The following RANBP1 variants were observed in gnomAD, a reference collection of about 807,000 sequenced individuals.
RANBP1 encodes ran-specific GTPase-activating protein.
In RANBP1, 16 loss-of-function variants were observed where a neutral mutation model predicts 31.4. The ratio of observed to expected loss-of-function variants is 0.51; its 90% confidence interval spans 0.34 to 0.77. RANBP1 has a LOEUF of 0.77. RANBP1 is among the 30% of genes least tolerant of loss of function. The pLI, the probability that RANBP1 is intolerant of heterozygous loss-of-function variation, is 0.01. For synonymous variants in RANBP1, 129 were observed against 140.5 expected, an observed-to-expected ratio of 0.92 and a Z score of 0.58; for missense variants, 265 against 362.0, an observed-to-expected ratio of 0.73 and a Z score of 2.17.
chr22:20,116,674 G>C, intron 1 of RANBP1: 2 of 1,497,282 alleles, frequency 1.3e-6, no homozygotes, highest in South Asian at 2.7e-5. Context: ...GGCCCCCCAA[G>C]CTTCCTTATG....
chr22:20,126,734 A>G, intron 5 of RANBP1: 2 of 1,453,952 alleles, frequency 1.4e-6, no homozygotes, highest in Non-Finnish European at 9.3e-7. Context: ...CAGCCTGACC[A>G]TGGTCTAGGC....
chr22:20,118,950 G>T (rs897915054), intron 1 of RANBP1, 63 bp from the exon 2 acceptor site: 7 of 1,562,090 alleles, frequency 4.5e-6, no homozygotes, highest in South Asian at 2.3e-5. Context: ...GCAGGCACTG[G>T]TTGGGCTCTG....
chr22:20,119,135 G>C lies in RANBP1; in HGVS notation c.369G>C (p.Glu123Asp), dbSNP rs370443280. Residue 123 changes from glutamate to aspartate, a missense_variant, in exon 2 of 6, where the codon GAG becomes GAC. Around this residue, in one of 3 missense-constraint regions of RANBP1, gnomAD observed 90 missense variants for 190.5 expected, o/e 0.47. Coordinates refer to ENST00000430524, the MANE Select transcript of RANBP1 (RefSeq NM_001278639.2). ...TTAAAACACTGGAAGAAGATGAAGAGGAACTTTTTAAAATGTAAGTAGGCT... is the reference window on the plus strand; with the variant it reads ...TTAAAACACTGGAAGAAGATGAAGACGAACTTTTTAAAATGTAAGTAGGCT... ...QEIKTLEEDE[E>D]ELFKMRAKLF... The C allele has an allele frequency of 6.2e-7, 1 of 1,612,830 alleles. No homozygotes were observed. Among genetic ancestry groups the C allele is most frequent in the African/African-American group, 1.3e-5 (1 of 74,900 alleles).
chr22:20,121,866 G>A (rs2050178194), intron 2 of RANBP1, among the ~76,000 whole-genome samples: 1 of 138,646 alleles, frequency 7.2e-6, no homozygotes, highest in Admixed American at 7.3e-5. Flanking sequence ...AGCCTCCTGA[G>A]TAGCTGGGAT....
At chr22:20,118,655 A>G (rs2050105733) in intron 1 of RANBP1, among the ~76,000 whole-genome samples, 1 of 152,234 alleles carries the variant, frequency 6.6e-6, no homozygotes. Flanking sequence ...CATTTTATGG[A>G]TGAGGAAGAA....
chr22:20,123,439 GTGTGTGGTGTCT>G (rs2050231123), intron 3 of RANBP1, among the ~76,000 whole-genome samples: 2 of 99,356 alleles, frequency 2.0e-5, no homozygotes, highest in African/African-American at 7.8e-5. Context: ...GTTGGGGGGG[GTGTGTGGTGTCT>G]GGGGGGGTTT....
chr22:20,116,994 G>A, intron 1 of RANBP1: 1 of 1,520,258 alleles, frequency 6.6e-7, no homozygotes, highest in Non-Finnish European at 8.9e-7. Context: ...GAAGTGGCCT[G>A]TCACAAGGGA....
At chr22:20,117,165 C>T (rs1051599015) in intron 1 of RANBP1, 25 of 548,696 alleles carry the variant, frequency 4.6e-5, no homozygotes, top group Non-Finnish European at 7.6e-5. Flanking sequence ...CCGCGCCGGC[C>T]GCTCGCTTCG....
At chr22:20,121,565 A>T (rs1640407) in intron 2 of RANBP1, among the ~76,000 whole-genome samples, 7,172 of 140,954 alleles carry the variant, frequency 0.051, 242 homozygotes, top group East Asian at 0.099. Context: ...GTTTTTTTTT[A>T]AAATAGGGTC....
rs368678998 is a variant in RANBP1, at chr22:20,127,018, A to C, written c.803A>C (p.Glu268Ala). 16 of 1,613,420 alleles carry C rather than the reference A, an allele frequency of 9.9e-6. No individual in the cohort carries two copies. The highest frequency in any genetic ancestry group is 1.2e-5 in the Non-Finnish European group (14 of 1,179,792). ...AAGCTAGAAGCTCTCTCGGTGAAGG[A>C]GGAGACCAAGGAGGATGCTGAGGAG... Reference protein sequence around the residue: ...AEKLEALSVKEETKEDAEEKQ With the variant: ...AEKLEALSVKAETKEDAEEKQ The change falls in exon 6 of 6, where the codon GAG becomes GCG. Residue 268 changes from glutamate (E) to alanine (A), a missense_variant. By Grantham distance (107) the Glu-to-Ala change is moderately radical. Transcript: ENST00000430524.
intron 2 of RANBP1, among the ~76,000 whole-genome samples, chr22:20,120,689 G>A (rs1288918820): frequency 1.3e-5 from 2 of 152,188 alleles, no homozygotes; most frequent in African/African-American, 4.8e-5. Flanking sequence ...CCAGGTGTTG[G>A]CCAGGGCCTG....
chr22:20,119,264 C>T (rs2050124031), intron 2 of RANBP1, 115 bp downstream of exon 2: 4 of 1,030,938 alleles, frequency 3.9e-6, no homozygotes, highest in Admixed American at 2.2e-5. Context: ...AAAGAAAGGG[C>T]CTAAAGTTGG....
At chr22:20,120,959 G>T (rs978441036) in intron 2 of RANBP1, among the ~76,000 whole-genome samples, 2 of 152,200 alleles carry the variant, frequency 1.3e-5, no homozygotes, top group African/African-American at 4.8e-5. Context: ...GGGTGCTCTT[G>T]CACAGTGACC....
intron 1 of RANBP1, chr22:20,117,579 G>A: frequency 5.7e-6 from 8 of 1,408,214 alleles, no homozygotes; most frequent in South Asian, 1.4e-5. Context: ...AAGGAGCTAC[G>A]AGTAGCCGCC....
chr22:20,125,244 CGA>C (rs2050269787), intron 3 of RANBP1, 62 bp from the exon 4 acceptor site: 2 of 1,598,100 alleles, frequency 1.3e-6, no homozygotes, highest in Non-Finnish European at 1.7e-6. Context: ...GCTCTGTGGC[CGA>C]GGGCTGGGTG....
intron 1 of RANBP1, chr22:20,117,137 C>T (rs997380578): frequency 1.7e-6 from 1 of 573,606 alleles, no homozygotes; most frequent in South Asian, 2.7e-5. Context: ...GGGGCTGTAC[C>T]GCCCGCCCGC....
At chr22:20,122,480 G>A in intron 3 of RANBP1, 59 bp downstream of exon 3, 1 of 1,609,938 alleles carries the variant, frequency 6.2e-7, no homozygotes, top group Non-Finnish European at 8.5e-7. Flanking sequence ...GGACCTTTGG[G>A]AAGATTCAGG....
intron 1 of RANBP1, chr22:20,116,764 C>T (rs2871049): frequency 1.4e-6 from 2 of 1,406,516 alleles, no homozygotes; most frequent in East Asian, 2.5e-5. Context: ...CCATTCCCGT[C>T]TCCTTTCCTC....
rs780170275 is a variant in RANBP1 at position 20,127,327 on chromosome 22, G to A, written c.*275G>A. 1 of 292,146 alleles carries A rather than the reference G, an allele frequency of 3.4e-6. No homozygotes were observed. The highest frequency in any genetic ancestry group is 2.2e-5 in the African/African-American group (1 of 45,006). The allele number at this position is 292,146 out of a possible 1,614,324, so 18.1% of individuals were successfully genotyped here. A position where few individuals can be genotyped will look rare whatever the true frequency, so the allele number is the denominator to read the frequency against. On this transcript the variant is annotated 3_prime_UTR_variant, in exon 6 of 6. Coordinates refer to ENST00000430524, the MANE Select transcript of RANBP1 (RefSeq NM_001278639.2). ...CACTTATTTATAGTCATCAAAAATA[G>A]TGAATAAAAAACACATTTGGAACCT... is the stretch of plus-strand genomic sequence containing the variant.
Sources: gnomAD v4.1 joint callset for allele counts (sites outside exome capture counted in the v4.1 genomes callset) on GRCh38, gnomAD v4.1.1 for gene constraint, gnomAD v4.1.1 regional missense constraint, MANE v1.5 for transcripts, NCBI Gene and HGNC (gene_info 2026-07-23, HGNC 2026-07-21) for gene names.